USH2A: variants seen among roughly 807,000 people sequenced by gnomAD.
The protein encoded by USH2A is usherin.
A neutral mutation model predicts 538.9 loss-of-function variants in USH2A; 443 were observed. The ratio of observed to expected loss-of-function variants is 0.82; its 90% confidence interval spans 0.76 to 0.89. The LOEUF is 0.89. USH2A is among the 40% of genes least tolerant of loss of function. The pLI is 0.00. For missense variants in USH2A, 6,633 were observed against 6,324.8 expected, an observed-to-expected ratio of 1.05 and a Z score of -1.65; for synonymous variants, 2,413 against 2,273.5, an observed-to-expected ratio of 1.06 and a Z score of -1.75.
At position 216,287,469 on chromosome 1, in the gene USH2A, A is replaced by G. The variant is rs190569711; in HGVS notation, c.1971+1811T>C. On this transcript the variant is annotated intron_variant, in intron 11 of 71. Transcript: ENST00000307340. Reference sequence around the variant, plus strand: ...TGGCTCATAAGAGCAGATTAAGTACATTTCTTCTGAAATCCATGTTCAGTG... The same window carrying G: ...TGGCTCATAAGAGCAGATTAAGTACGTTTCTTCTGAAATCCATGTTCAGTG... Among the ~76,000 whole-genome samples, 604 of 152,248 alleles carry G rather than the reference A, an allele frequency of 4.0e-3. 8 individuals are homozygous for G. Among genetic ancestry groups the G allele is most frequent in the Admixed American group, 0.021 (323 of 15,296 alleles).
intron 60 of USH2A, among the ~76,000 whole-genome samples, chr1:215,735,534 T>C (rs1660131571): frequency 6.6e-6 from 1 of 152,176 alleles, no homozygotes. Context: ...ACAAATTTAT[T>C]ATTTTGTCTT....
At position 216,048,572 on chromosome 1, in the gene USH2A, T is replaced by G; in HGVS notation, c.6125A>C (p.Glu2042Ala). 1 of 1,614,120 alleles carries G rather than the reference T, an allele frequency of 6.2e-7. No individual in the cohort carries two copies. Among genetic ancestry groups the G allele is most frequent in the Non-Finnish European group, 8.5e-7 (1 of 1,179,980 alleles). ...AGAGATGTTCAATGCATGTGAGCTC[T>G]CAGTACAGCCAGCCAAAGTGCAAGC... Reference protein sequence around the residue: ...LTACTLAGCTESSHALNISTP... With the variant: ...LTACTLAGCTASSHALNISTP... Residue 2042 changes from glutamate to alanine, a missense_variant, in exon 31 of 72, where the codon GAG becomes GCG. By Grantham distance (107) the Glu-to-Ala change is moderately radical (BLOSUM62 -1). Coordinates refer to ENST00000307340, the MANE Select transcript of USH2A (RefSeq NM_206933.4).
chr1:216,422,569 G>A (rs2039697959), intron 1 of USH2A, 29 bp from the exon 2 acceptor site: 1 of 533,146 alleles, frequency 1.9e-6, no homozygotes, highest in Non-Finnish European at 3.3e-6. Context: ...GGGCGTCAAG[G>A]GAAAGCTGCT....
chr1:215,911,393 T>C (rs569462521), intron 38 of USH2A, among the ~76,000 whole-genome samples: 1 of 152,042 alleles, frequency 6.6e-6, no homozygotes, highest in East Asian at 1.9e-4. Context: ...CCTTCTACTC[T>C]CTAAACCCAT....
intron 11 of USH2A, among the ~76,000 whole-genome samples, chr1:216,284,374 C>T (rs973512874): frequency 8.5e-5 from 13 of 152,214 alleles, no homozygotes; most frequent in African/African-American, 3.1e-4. Flanking sequence ...TTATAAGGAA[C>T]TTTCCCCCAC....
At chr1:215,716,039 G>A (rs1659473490) in intron 61 of USH2A, among the ~76,000 whole-genome samples, 1 of 152,226 alleles carries the variant, frequency 6.6e-6, no homozygotes, top group African/African-American at 2.4e-5. Flanking sequence ...TTAATAACAT[G>A]TCACGTCCTG....
chr1:216,295,103 T>A (rs1273511612), intron 9 of USH2A, among the ~76,000 whole-genome samples: 1 of 151,892 alleles, frequency 6.6e-6, no homozygotes, highest in East Asian at 1.9e-4. Flanking sequence ...AAAATGTCTA[T>A]AATGTTGCAG....
At chr1:216,223,056 A>C (rs1442051670) in intron 14 of USH2A, among the ~76,000 whole-genome samples, 2 of 149,558 alleles carry the variant, frequency 1.3e-5, no homozygotes, top group African/African-American at 4.9e-5. Context: ...TTTTTTTCCT[A>C]GAATCTCCAT....
At chr1:216,306,479 T>C (rs2102630835) in intron 9 of USH2A, among the ~76,000 whole-genome samples, 1 of 152,346 alleles carries the variant, frequency 6.6e-6, no homozygotes, top group Non-Finnish European at 1.5e-5. Flanking sequence ...AGTCACTTAA[T>C]AATCAACCTT....
At chr1:215,946,116 T>G (rs1666750938) in intron 37 of USH2A, among the ~76,000 whole-genome samples, 1 of 152,202 alleles carries the variant, frequency 6.6e-6, no homozygotes, top group Non-Finnish European at 1.5e-5. Context: ...ATTTGACATA[T>G]GACATACTTT....
At chr1:216,030,178 A>G (rs1424760869) in intron 32 of USH2A, among the ~76,000 whole-genome samples, 1 of 142,522 alleles carries the variant, frequency 7.0e-6, no homozygotes, top group Non-Finnish European at 1.5e-5. Flanking sequence ...TAACAGATAT[A>G]TAATATATAT....
intron 50 of USH2A, among the ~76,000 whole-genome samples, chr1:215,791,499 T>C (rs969232970): frequency 6.6e-6 from 1 of 152,222 alleles, no homozygotes; most frequent in Non-Finnish European, 1.5e-5. Flanking sequence ...TATCCACACA[T>C]GACTCCAAAG....
intron 61 of USH2A, among the ~76,000 whole-genome samples, chr1:215,697,805 T>TC (rs750798957): frequency 6.6e-6 from 1 of 152,176 alleles, no homozygotes; most frequent in Non-Finnish European, 1.5e-5. Flanking sequence ...ACAGGCATGA[T>TC]CCACCACACC....
At chr1:215,860,911 G>A (rs1028407020) in intron 44 of USH2A, among the ~76,000 whole-genome samples, 3 of 152,266 alleles carry the variant, frequency 2.0e-5, no homozygotes, top group East Asian at 1.9e-4. Context: ...GATCTTGCTC[G>A]CAGAATCTCC....
rs75967684 is a variant in USH2A, at chr1:216,039,682, A to G, written c.6325+6749T>C. On this transcript the variant is annotated intron_variant, in intron 32 of 71. Coordinates refer to ENST00000307340, the MANE Select transcript of USH2A (RefSeq NM_206933.4). The stretch of plus-strand genomic sequence containing the variant: ...CTTCTGTAAGCCATTGGTGTGAATG[A>G]GTATAATTTAGCTCAAATTTGTAGA... 6.6e-3 allele frequency among the ~76,000 whole-genome samples: 1,010 copies of G among 152,146 alleles called. 8 individuals are homozygous for G. Among genetic ancestry groups the G allele is most frequent in the Non-Finnish European group, 9.3e-3 (629 of 67,926 alleles).
intron 3 of USH2A, among the ~76,000 whole-genome samples, chr1:216,417,157 C>A (rs988166378): frequency 4.0e-4 from 61 of 151,886 alleles, no homozygotes; most frequent in African/African-American, 1.3e-3. Flanking sequence ...AAAACTCTGA[C>A]CCCTGCCAAT....
chr1:216,023,470 A>AAAAAAAAAAC (rs1668890831), intron 32 of USH2A, among the ~76,000 whole-genome samples: 2 of 144,876 alleles, frequency 1.4e-5, no homozygotes, highest in African/African-American at 5.4e-5. Flanking sequence ...AAAAAAAAAA[A>AAAAAAAAAAC]AAAAAAAAAA....
intron 10 of USH2A, among the ~76,000 whole-genome samples, 160 bp from the exon 11 acceptor site, chr1:216,289,570 G>A (rs985760901): frequency 2.6e-5 from 4 of 152,128 alleles, no homozygotes; most frequent in Admixed American, 6.6e-5. Context: ...GTGATCCAGA[G>A]CATATGAAAC....
At chr1:216,069,762 T>G (rs969436112) in intron 30 of USH2A, among the ~76,000 whole-genome samples, 1 of 152,248 alleles carries the variant, frequency 6.6e-6, no homozygotes, top group South Asian at 2.1e-4. Flanking sequence ...AAGAGTAAAT[T>G]TTTGCTTTGT....
Sources: gnomAD v4.1 joint callset for allele counts (sites outside exome capture counted in the v4.1 genomes callset) on GRCh38, gnomAD v4.1.1 for gene constraint, MANE v1.5 for transcripts, NCBI Gene and HGNC (gene_info 2026-07-23, HGNC 2026-07-21) for gene names.